Variants in ATOSA observed in about 807,000 individuals in gnomAD.
ATOSA encodes the protein atos homolog A.
the ATOSA span, among the ~76,000 whole-genome samples, chr15:52,673,733 A>G: frequency 2.0e-5 from 3 of 152,230 alleles, no homozygotes; most frequent in Non-Finnish European, 2.9e-5. Context: ...ACAATGAACT[A>G]TTCTTAGCAA....
the ATOSA span, among the ~76,000 whole-genome samples, chr15:52,600,501 T>C: frequency 1.8e-3 from 273 of 152,242 alleles, no homozygotes; most frequent in South Asian, 2.9e-3. Flanking sequence ...CAAACTACCA[T>C]AATAAATTAA....
At chr15:52,618,092 G>A in the ATOSA span, among the ~76,000 whole-genome samples, 3 of 151,428 alleles carry the variant, frequency 2.0e-5, no homozygotes, top group Non-Finnish European at 2.9e-5. Flanking sequence ...AGGCTGGAGC[G>A]CAGTGACACA....
the ATOSA span, among the ~76,000 whole-genome samples, chr15:52,621,958 T>C: frequency 1.3e-5 from 2 of 152,078 alleles, no homozygotes; most frequent in African/African-American, 4.8e-5. Flanking sequence ...CAAGCAATTC[T>C]CTTGCTTCAG....
At chr15:52,653,712 C>A in the ATOSA span, among the ~76,000 whole-genome samples, 1 of 152,206 alleles carries the variant, frequency 6.6e-6, no homozygotes, top group South Asian at 2.1e-4. Flanking sequence ...GCCCACTGTA[C>A]TTTTTCGTTA....
the ATOSA span, chr15:52,657,689 C>T: frequency 1.4e-4 from 22 of 152,206 alleles, no homozygotes; most frequent in African/African-American, 4.8e-4. Flanking sequence ...CTATTACTAT[C>T]CCAGTTTTAA....
the ATOSA span, among the ~76,000 whole-genome samples, chr15:52,630,607 A>T: frequency 1.4e-4 from 22 of 152,346 alleles, no homozygotes; most frequent in African/African-American, 4.8e-4. Context: ...ACACTGGTGC[A>T]AACACTTTCA....
the ATOSA span, chr15:52,593,533 G>A: frequency 2.7e-6 from 4 of 1,498,152 alleles, no homozygotes; most frequent in Non-Finnish European, 3.6e-6. Flanking sequence ...TTGTCATTAA[G>A]TTGGTTGATT....
chr15:52,603,949 T>C, the ATOSA span, among the ~76,000 whole-genome samples: 1 of 152,150 alleles, frequency 6.6e-6, no homozygotes, highest in Non-Finnish European at 1.5e-5. Flanking sequence ...TTAACAATAA[T>C]TTATCGTATA....
chr15:52,698,386 T>A, the ATOSA span, among the ~76,000 whole-genome samples: 1 of 152,304 alleles, frequency 6.6e-6, no homozygotes, highest in South Asian at 2.1e-4. Flanking sequence ...TGCTTTATGA[T>A]CCAGCAATTC....
the ATOSA span, among the ~76,000 whole-genome samples, chr15:52,654,333 G>A: frequency 6.6e-6 from 1 of 152,158 alleles, no homozygotes; most frequent in Admixed American, 6.6e-5. Context: ...TATGCTGCTA[G>A]TTTTCCAATA....
At chr15:52,600,011 G>T in the ATOSA span, 1 of 491,542 alleles carries the variant, frequency 2.0e-6, no homozygotes, top group Admixed American at 3.9e-5. Flanking sequence ...TTCAAGGCTT[G>T]AAAAAAGACA....
At chr15:52,651,908 C>T in the ATOSA span, 1 of 1,535,374 alleles carries the variant, frequency 6.5e-7, no homozygotes, top group African/African-American at 1.4e-5. Flanking sequence ...GAAAACCATA[C>T]TGGAATCCTT....
chr15:52,705,271 C>A, the ATOSA span, among the ~76,000 whole-genome samples: 3 of 151,806 alleles, frequency 2.0e-5, no homozygotes, highest in Non-Finnish European at 4.4e-5. Context: ...AACCAAACAC[C>A]GCATGTTCTC....
chr15:52,708,817 C>G, the ATOSA span, among the ~76,000 whole-genome samples: 1 of 152,138 alleles, frequency 6.6e-6, no homozygotes, highest in Non-Finnish European at 1.5e-5. Flanking sequence ...GAGGCTACCT[C>G]CCTTCCTCCC....
chr15:52,627,703 T>C, the ATOSA span, among the ~76,000 whole-genome samples: 1 of 152,134 alleles, frequency 6.6e-6, no homozygotes, highest in Admixed American at 6.5e-5. Context: ...TGCTTTTGCT[T>C]TTATTTTACT....
chr15:52,700,312 C>G, the ATOSA span, among the ~76,000 whole-genome samples: 5 of 152,060 alleles, frequency 3.3e-5, no homozygotes, highest in Non-Finnish European at 7.4e-5. Flanking sequence ...TATTGCCTAC[C>G]CCTCTCTAGG....
the ATOSA span, among the ~76,000 whole-genome samples, chr15:52,705,760 C>T: frequency 1.5e-3 from 227 of 152,318 alleles, no homozygotes; most frequent in African/African-American, 5.4e-3. Context: ...CCCAGCCCCA[C>T]CATCTCACTC....
At chr15:52,675,327 A>G in the ATOSA span, among the ~76,000 whole-genome samples, 3 of 152,038 alleles carry the variant, frequency 2.0e-5, no homozygotes, top group South Asian at 2.1e-4. Context: ...GGCTGTAGGG[A>G]GCAGAATTGA....
At chr15:52,636,080 T>TTAAAA in the ATOSA span, among the ~76,000 whole-genome samples, 2 of 143,344 alleles carry the variant, frequency 1.4e-5, no homozygotes, top group Non-Finnish European at 3.1e-5. Context: ...AAATATTAAA[T>TTAAAA]TAAAATAATA....
Sources: gnomAD v4.1 joint callset for allele counts (sites outside exome capture counted in the v4.1 genomes callset) on GRCh38, gnomAD v4.1.1 for gene constraint, MANE v1.5 for transcripts, NCBI Gene and HGNC (gene_info 2026-07-23, HGNC 2026-07-21) for gene names.